Variants in GTF2H1 observed in about 807,000 individuals in gnomAD.
GTF2H1 encodes BTF2 p62.
In GTF2H1, 16 loss-of-function variants were observed where a neutral mutation model predicts 71.2. The ratio of observed to expected loss-of-function variants is 0.22; its 90% CI spans 0.15 to 0.34. The LOEUF is 0.34. GTF2H1 is among the 10% of genes least tolerant of loss of function. GTF2H1 has a pLI of 1.00. For synonymous variants in GTF2H1, 215 were observed against 219.0 expected, an observed-to-expected ratio of 0.98 and a Z score of 0.16; for missense variants, 498 against 648.2, an observed-to-expected ratio of 0.77 and a Z score of 2.52.
chr11:18,333,506 T>C (rs1864950071), intron 2 of GTF2H1: 3 of 221,194 alleles, frequency 1.4e-5, no homozygotes, highest in Non-Finnish European at 2.6e-5. Flanking sequence ...TATACAATCA[T>C]GTATTTAACC....
chr11:18,360,087 AAATG>A (rs1196962549), intron 13 of GTF2H1, among the ~76,000 whole-genome samples: 7 of 151,896 alleles, frequency 4.6e-5, no homozygotes, highest in Non-Finnish European at 1.0e-4. Context: ...ATGAATGAAT[AAATG>A]AATGAGTGAC....
At chr11:18,336,757 A>T (rs772506649) in intron 3 of GTF2H1, among the ~76,000 whole-genome samples, 1 of 145,782 alleles carries the variant, frequency 6.9e-6, no homozygotes, top group Non-Finnish European at 1.5e-5. Flanking sequence ...AATAATGAGA[A>T]TTTTTTTTTT....
In GTF2H1 at chr11:18,358,584, C is replaced by A. The variant is rs1227122129; in HGVS notation, c.1411C>A (p.Leu471Ile). Residue 471 changes from leucine to isoleucine, a missense_variant, in exon 13 of 15, where the codon CTT (leucine) becomes ATT (isoleucine). Physicochemically the swap from Leu to Ile is conservative, Grantham distance 5. Transcript: ENST00000265963. ...LKHLYVAVGE[L>I]LRHFWSCFPV... ...ACACTTATATGTAGCTGTTGGAGAACTTCTACGACATTTCTGGTCCTGCTT... is the reference window on the plus strand; with the variant it reads ...ACACTTATATGTAGCTGTTGGAGAAATTCTACGACATTTCTGGTCCTGCTT... The A allele has an allele frequency of 6.2e-7, 1 of 1,613,090 alleles. No individual in the cohort carries two copies. Among genetic ancestry groups the A allele is most frequent in the South Asian group, 1.1e-5 (1 of 91,044 alleles).
intron 11 of GTF2H1, among the ~76,000 whole-genome samples, chr11:18,355,176 T>C (rs1865513826): frequency 6.6e-6 from 1 of 151,530 alleles, no homozygotes; most frequent in Non-Finnish European, 1.5e-5. Flanking sequence ...GGAGTCTTGC[T>C]CTGTTGCCCA....
At chr11:18,346,883 G>T (rs1292706889) in intron 7 of GTF2H1, among the ~76,000 whole-genome samples, 3 of 150,804 alleles carry the variant, frequency 2.0e-5, no homozygotes, top group Non-Finnish European at 4.4e-5. Flanking sequence ...GGGATTACAG[G>T]TGTGTGCCAC....
chr11:18,328,202 C>CAAAAA (rs35694798), intron 1 of GTF2H1, among the ~76,000 whole-genome samples: 1 of 99,936 alleles, frequency 1.0e-5, no homozygotes. Context: ...GACTCCATCT[C>CAAAAA]AAAAAAAAAA....
intron 13 of GTF2H1, among the ~76,000 whole-genome samples, chr11:18,359,978 T>C (rs1204258428): frequency 6.6e-6 from 1 of 151,364 alleles, no homozygotes; most frequent in Non-Finnish European, 1.5e-5. Context: ...GAAAAGTAGC[T>C]CAGGTGATCA....
chr11:18,349,796 A>G (rs1377646400), intron 9 of GTF2H1, among the ~76,000 whole-genome samples: 1 of 152,238 alleles, frequency 6.6e-6, no homozygotes, highest in African/African-American at 2.4e-5. Flanking sequence ...AATACTGTAA[A>G]TCAAAAATGC....
At position 18,349,795 on chromosome 11, in the gene GTF2H1, A is replaced by C. The variant is rs553215845; in HGVS notation, c.1053+1876A>C. On this transcript the variant is annotated intron_variant, in intron 9 of 14. Transcript: ENST00000265963. Reference sequence around the variant, plus strand: ...AAACTCATAAGTTGCAAATACTGTAAATCAAAAATGCATTGAATACACCTA... The same window carrying C: ...AAACTCATAAGTTGCAAATACTGTACATCAAAAATGCATTGAATACACCTA... 6.6e-5 allele frequency among the ~76,000 whole-genome samples: 10 copies of C among 152,352 alleles called. No individual in the cohort carries two copies. The South Asian group carries it at 1.9e-3, about 28-fold the overall frequency.
intron 9 of GTF2H1, 48 bp downstream of exon 9, chr11:18,347,967 T>TA: frequency 1.7e-6 from 2 of 1,193,570 alleles, no homozygotes; most frequent in Non-Finnish European, 2.5e-6. Flanking sequence ...TTTCTCCAAA[T>TA]ACTTTATGTG....
intron 9 of GTF2H1, among the ~76,000 whole-genome samples, chr11:18,350,301 G>A (rs761103105): frequency 2.0e-5 from 3 of 152,218 alleles, no homozygotes; most frequent in Admixed American, 2.0e-4. Flanking sequence ...GATTTGGATT[G>A]TTATGGGAGC....
chr11:18,342,755 AT>A (rs1193025953), intron 7 of GTF2H1, among the ~76,000 whole-genome samples: 2 of 152,224 alleles, frequency 1.3e-5, no homozygotes, highest in Non-Finnish European at 2.9e-5. Context: ...TAAAATAAAC[AT>A]GATGGCATAT....
chr11:18,330,093 G>T (rs530914898), intron 1 of GTF2H1, among the ~76,000 whole-genome samples: 5 of 152,164 alleles, frequency 3.3e-5, no homozygotes, highest in Non-Finnish European at 5.9e-5. Flanking sequence ...TAGTCAAAAC[G>T]CATCGAACAG....
intron 13 of GTF2H1, among the ~76,000 whole-genome samples, chr11:18,359,285 A>G (rs1271645635): frequency 6.6e-6 from 1 of 152,168 alleles, no homozygotes; most frequent in Non-Finnish European, 1.5e-5. Context: ...CACACCTGTA[A>G]TCCCAACACT....
Position 18,358,612 on chromosome 11 carries a change from C to T in GTF2H1, c.1439C>T (p.Pro480Leu). The change falls in exon 13 of 15, where the codon CCT becomes CTT. Residue 480 changes from proline (P) to leucine (L), a missense_variant. Around this residue, in one of 3 missense-constraint regions of GTF2H1, gnomAD observed 266 missense variants for 301.6 expected, o/e 0.88. Transcript: ENST00000265963. ...CTACGACATTTCTGGTCCTGCTTTC[C>T]TGTTAATACGCCATTCCTAGAAGAA... The part of the protein sequence containing the change: ...ELLRHFWSCF[P>L]VNTPFLEEKV... 1 of 1,607,746 alleles carries T rather than the reference C, an allele frequency of 6.2e-7. No individual in the cohort carries two copies. The highest frequency in any genetic ancestry group is 2.2e-5 in the East Asian group (1 of 44,804).
At chr11:18,344,862 T>C (rs1345312963) in intron 7 of GTF2H1, among the ~76,000 whole-genome samples, 3 of 152,128 alleles carry the variant, frequency 2.0e-5, no homozygotes, top group Non-Finnish European at 2.9e-5. Flanking sequence ...ACTGATCTTC[T>C]ACCTGCTTGT....
intron 2 of GTF2H1, among the ~76,000 whole-genome samples, chr11:18,334,970 T>G (rs769433981): frequency 6.6e-6 from 1 of 151,968 alleles, no homozygotes; most frequent in Non-Finnish European, 1.5e-5. Flanking sequence ...TTTTTTATTT[T>G]AAAAAAAACG....
At chr11:18,348,004 C>T (rs1414409856) in intron 9 of GTF2H1, 85 bp downstream of exon 9, 1 of 860,778 alleles carries the variant, frequency 1.2e-6, no homozygotes, top group South Asian at 1.4e-5. Flanking sequence ...ACGCTTATTT[C>T]CTGTGACTCA....
intron 9 of GTF2H1, among the ~76,000 whole-genome samples, chr11:18,350,212 G>T (rs1467136583): frequency 6.6e-6 from 1 of 152,168 alleles, no homozygotes; most frequent in Non-Finnish European, 1.5e-5. Flanking sequence ...ATTAATAGCA[G>T]ACAGAGTCCC....
Sources: gnomAD v4.1 joint callset for allele counts (sites outside exome capture counted in the v4.1 genomes callset) on GRCh38, gnomAD v4.1.1 for gene constraint, gnomAD v4.1.1 regional missense constraint, MANE v1.5 for transcripts, NCBI Gene and HGNC (gene_info 2026-07-23, HGNC 2026-07-21) for gene names.